ADAMTSL1: variants seen among roughly 807,000 people sequenced by gnomAD.
ADAMTSL1 encodes the protein ADAMTS like 1, also known as ADAMTS-like protein 1.
Under a neutral mutation model 201.8 loss-of-function variants are expected in ADAMTSL1, and 126 were observed. The observed-to-expected ratio is 0.62, with a 90% CI of 0.54 to 0.72. ADAMTSL1 has a LOEUF of 0.72. Ranked by LOEUF, ADAMTSL1 falls within the 30% of genes least tolerant of loss-of-function variation. ADAMTSL1 has a pLI of 0.00. For missense variants in ADAMTSL1, 2,679 were observed against 2,277.8 expected (o/e 1.18, Z -3.59); for synonymous variants, 1,121 against 903.4 (o/e 1.24, Z -4.32).
chr9:18,225,485 A>G (rs1830406236), intron 2 of ADAMTSL1, among the ~76,000 whole-genome samples: 1 of 152,178 alleles, frequency 6.6e-6, no homozygotes, highest in South Asian at 2.1e-4. Context: ...AAAAGTACAT[A>G]TTTATTTTTT....
chr9:18,686,164 G>C (rs200642109), intron 13 of ADAMTSL1, among the ~76,000 whole-genome samples: 4 of 151,994 alleles, frequency 2.6e-5, no homozygotes, highest in Non-Finnish European at 5.9e-5. Context: ...CAAGCAATCC[G>C]CCTGCCTCAG....
chr9:18,496,288 A>C (rs1436851959), intron 1 of ADAMTSL1, among the ~76,000 whole-genome samples: 5 of 152,232 alleles, frequency 3.3e-5, no homozygotes, highest in Admixed American at 3.3e-4. Context: ...AGCTGAACTT[A>C]AGCAAAAGTA....
intron 21 of ADAMTSL1, among the ~76,000 whole-genome samples, chr9:18,818,637 A>G (rs1216893185): frequency 6.6e-6 from 1 of 152,044 alleles, no homozygotes; most frequent in Non-Finnish European, 1.5e-5. Flanking sequence ...ACAAAAAAAT[A>G]CAAAAATTAG....
chr9:17,984,918 C>T (rs1449164387), intron 1 of ADAMTSL1, among the ~76,000 whole-genome samples: 1 of 152,130 alleles, frequency 6.6e-6, no homozygotes, highest in East Asian at 1.9e-4. Context: ...TTTTCAAAAT[C>T]AATGTTTTTT....
chr9:17,991,492 C>T (rs1819147169), intron 1 of ADAMTSL1, among the ~76,000 whole-genome samples: 1 of 152,084 alleles, frequency 6.6e-6, no homozygotes, highest in African/African-American at 2.4e-5. Flanking sequence ...GATCCCAGCG[C>T]CACAGATATT....
chr9:17,921,009 G>T (rs563689628), intron 1 of ADAMTSL1, among the ~76,000 whole-genome samples: 1 of 152,224 alleles, frequency 6.6e-6, no homozygotes, highest in South Asian at 2.1e-4. Context: ...CAGTAGATCT[G>T]TCTCTTTCAA....
chr9:18,601,035 G>A (rs2151153), intron 4 of ADAMTSL1, among the ~76,000 whole-genome samples: 16,601 of 151,788 alleles, frequency 0.11, 1,136 homozygotes, highest in Non-Finnish European at 0.16. Flanking sequence ...TTTTCTTTCT[G>A]ATTTCTCAAA....
intron 1 of ADAMTSL1, among the ~76,000 whole-genome samples, chr9:18,152,698 G>T (rs1270798545): frequency 6.6e-6 from 1 of 151,940 alleles, no homozygotes; most frequent in Non-Finnish European, 1.5e-5. Context: ...GGGCCAGTGG[G>T]TGGAAGACGA....
chr9:18,429,715 A>G (rs1819397431), intron 2 of ADAMTSL1, among the ~76,000 whole-genome samples: 1 of 152,200 alleles, frequency 6.6e-6, no homozygotes, highest in Non-Finnish European at 1.5e-5. Flanking sequence ...TTAAATGATA[A>G]GGATTTTTTC....
intron 23 of ADAMTSL1, among the ~76,000 whole-genome samples, chr9:18,854,225 C>T (rs1330858947): frequency 6.6e-6 from 1 of 152,092 alleles, no homozygotes; most frequent in Non-Finnish European, 1.5e-5. Context: ...TCATCCCTAA[C>T]ACACATATGC....
chr9:18,857,490 T>C (rs1826936053), intron 23 of ADAMTSL1, among the ~76,000 whole-genome samples: 1 of 152,200 alleles, frequency 6.6e-6, no homozygotes, highest in South Asian at 2.1e-4. Context: ...CATGATTAGA[T>C]GAGTCTTTGT....
intron 2 of ADAMTSL1, among the ~76,000 whole-genome samples, chr9:18,251,069 A>G (rs1209780705): frequency 6.6e-6 from 1 of 152,166 alleles, no homozygotes; most frequent in African/African-American, 2.4e-5. Flanking sequence ...GGAAGATGTA[A>G]TTAGGGTACC....
chr9:17,981,824 G>T (rs1021815260), intron 1 of ADAMTSL1, among the ~76,000 whole-genome samples: 13 of 152,298 alleles, frequency 8.5e-5, no homozygotes, highest in Non-Finnish European at 1.9e-4. Flanking sequence ...TGGTGAGGGT[G>T]AGGTGGGGTG....
chr9:18,300,650 G>T (rs968632888), intron 2 of ADAMTSL1, among the ~76,000 whole-genome samples: 5 of 152,004 alleles, frequency 3.3e-5, no homozygotes, highest in African/African-American at 1.2e-4. Context: ...TTCTAAAGCC[G>T]CTCTTCATGA....
chr9:18,012,200 G>A (rs1426975351), intron 1 of ADAMTSL1, among the ~76,000 whole-genome samples: 1 of 152,056 alleles, frequency 6.6e-6, no homozygotes, highest in Non-Finnish European at 1.5e-5. Context: ...GGCCCCTGTG[G>A]CCAGTCAGAA....
chr9:18,515,274 G>C (rs1272937634), intron 2 of ADAMTSL1, among the ~76,000 whole-genome samples: 1 of 152,092 alleles, frequency 6.6e-6, no homozygotes, highest in African/African-American at 2.4e-5. Flanking sequence ...GCAATGATGA[G>C]GTTTATCTCT....
Position 18,658,021 on chromosome 9 carries a change from C to A in ADAMTSL1, c.946+271C>A, listed in dbSNP as rs573725443. 1.0e-4 allele frequency among the ~76,000 whole-genome samples: 15 copies of A among 144,820 alleles called. No individual in the cohort carries two copies. In the East Asian group the frequency reaches 3.1e-3, roughly 30 times the overall value. Reference sequence around the variant, plus strand: ...ACAGAGTCTCGCACTGTCGCCCAGGCTGGAGTGCAGTGGCGCCATCTCGGC... The same window carrying A: ...ACAGAGTCTCGCACTGTCGCCCAGGATGGAGTGCAGTGGCGCCATCTCGGC... On this transcript the variant is annotated intron_variant, in intron 8 of 28. Transcript: ENST00000380548.
intron 19 of ADAMTSL1, among the ~76,000 whole-genome samples, chr9:18,778,190 T>C (rs1476777566): frequency 1.3e-5 from 2 of 152,218 alleles, no homozygotes; most frequent in African/African-American, 4.8e-5. Context: ...AATGAGATAC[T>C]CTCTGGATAG....
intron 2 of ADAMTSL1, among the ~76,000 whole-genome samples, chr9:18,509,141 G>A (rs551212787): frequency 3.8e-5 from 3 of 79,456 alleles, no homozygotes; most frequent in Admixed American, 1.3e-4. Context: ...CCGAGATTGC[G>A]CCACTGCAGT....
Sources: gnomAD v4.1 joint callset for allele counts (sites outside exome capture counted in the v4.1 genomes callset) on GRCh38, gnomAD v4.1.1 for gene constraint, MANE v1.5 for transcripts, NCBI Gene and HGNC (gene_info 2026-07-23, HGNC 2026-07-21) for gene names.